PCDH15: variants seen among roughly 807,000 people sequenced by gnomAD.
PCDH15 encodes the protein protocadherin related 15.
In PCDH15, 129 loss-of-function variants were observed where a neutral mutation model predicts 178.5. That is an observed-to-expected ratio of 0.72 (90% CI 0.63 to 0.84). PCDH15 has a LOEUF of 0.84. Among genes scored for constraint, PCDH15 ranks in the 40% least tolerant of loss-of-function variants. The pLI is 0.00. For missense variants in PCDH15, 2,230 were observed against 2,099.9 expected (o/e 1.06, Z -1.21); for synonymous variants, 800 against 732.0 (o/e 1.09, Z -1.50).
intron 2 of PCDH15, among the ~76,000 whole-genome samples, chr10:54,902,728 C>T (rs1230103266): frequency 6.6e-6 from 1 of 152,272 alleles, no homozygotes; most frequent in East Asian, 1.9e-4. Flanking sequence ...TATATTTGCT[C>T]TCTCCCCCAA....
At chr10:54,746,938 C>T (rs1945543126) in intron 1 of PCDH15, among the ~76,000 whole-genome samples, 1 of 152,150 alleles carries the variant, frequency 6.6e-6, no homozygotes, top group African/African-American at 2.4e-5. Flanking sequence ...TTGGGTTTAT[C>T]AGAGTATTAT....
chr10:55,018,674 G>A (rs915325613), intron 2 of PCDH15, among the ~76,000 whole-genome samples: 1 of 152,018 alleles, frequency 6.6e-6, no homozygotes, highest in East Asian at 1.9e-4. Context: ...ACTTTTTAAA[G>A]AAATGAAACA....
intron 15 of PCDH15, among the ~76,000 whole-genome samples, chr10:54,117,921 C>G (rs2095144232): frequency 6.6e-6 from 1 of 152,174 alleles, no homozygotes; most frequent in Admixed American, 6.5e-5. Context: ...CATGGGCAGC[C>G]AGGGGCAGGC....
chr10:54,362,189 A>G (rs536490481), intron 5 of PCDH15, among the ~76,000 whole-genome samples: 1 of 152,162 alleles, frequency 6.6e-6, no homozygotes, highest in South Asian at 2.1e-4. Flanking sequence ...CCTTTATTTC[A>G]TTCAAAGTCA....
intron 3 of PCDH15, among the ~76,000 whole-genome samples, chr10:54,412,255 T>G (rs1354408072): frequency 6.7e-6 from 1 of 149,030 alleles, no homozygotes; most frequent in African/African-American, 2.4e-5. Flanking sequence ...TATATTTATA[T>G]TTTAATATAT....
chr10:55,282,653 T>G (rs1244588045), intron 1 of PCDH15, among the ~76,000 whole-genome samples: 1 of 152,154 alleles, frequency 6.6e-6, no homozygotes, highest in East Asian at 1.9e-4. Context: ...AAATATAATT[T>G]TTTGTTCTTA....
chr10:53,988,150 T>C (rs2091233451), intron 21 of PCDH15, among the ~76,000 whole-genome samples: 2 of 152,140 alleles, frequency 1.3e-5, no homozygotes, highest in Non-Finnish European at 2.9e-5. Context: ...GGCAACTCAA[T>C]ACCTATCATC....
At chr10:54,364,473 A>G (rs1946516486) in intron 5 of PCDH15, among the ~76,000 whole-genome samples, 1 of 152,128 alleles carries the variant, frequency 6.6e-6, no homozygotes, top group Admixed American at 6.6e-5. Context: ...ATCCGTGAAA[A>G]CCCAGCATTT....
intron 2 of PCDH15, among the ~76,000 whole-genome samples, chr10:54,560,731 A>T (rs1353551019): frequency 6.6e-6 from 1 of 152,076 alleles, no homozygotes; most frequent in East Asian, 1.9e-4. Flanking sequence ...ACTTGCTCTA[A>T]TTTATGGGTA....
At chr10:55,626,179 A>C (rs1309560351) in intron 2 of PCDH15, among the ~76,000 whole-genome samples, 4 of 135,176 alleles carry the variant, frequency 3.0e-5, no homozygotes, top group Non-Finnish European at 4.5e-5. Flanking sequence ...ATAAATAAAT[A>C]AATAAAATAA....
intron 13 of PCDH15, among the ~76,000 whole-genome samples, chr10:54,169,579 T>C (rs1034358516): frequency 4.0e-5 from 6 of 149,170 alleles, no homozygotes; most frequent in African/African-American, 1.5e-4. Context: ...CTATATCTCA[T>C]TGCCGCCCTT....
intron 2 of PCDH15, among the ~76,000 whole-genome samples, chr10:55,346,357 T>C (rs1844752689): frequency 6.6e-6 from 1 of 152,178 alleles, no homozygotes; most frequent in Admixed American, 6.6e-5. Context: ...CAATCAGAAA[T>C]TCTATGTGGT....
chr10:53,886,714 G>A (rs1053177556), intron 26 of PCDH15, among the ~76,000 whole-genome samples: 1 of 145,432 alleles, frequency 6.9e-6, no homozygotes. Context: ...AAAAGAGGTT[G>A]TTTCAGTATC....
chr10:55,075,624 A>G (rs1841869607), intron 2 of PCDH15, among the ~76,000 whole-genome samples: 1 of 151,966 alleles, frequency 6.6e-6, no homozygotes, highest in South Asian at 2.1e-4. Flanking sequence ...CAGGCTCCCA[A>G]AGTGCTGGGA....
chr10:54,474,274 G>GA (rs961543062), intron 3 of PCDH15, among the ~76,000 whole-genome samples: 75 of 149,428 alleles, frequency 5.0e-4, no homozygotes, highest in African/African-American at 1.5e-3. Flanking sequence ...TCAATACAAA[G>GA]AAAAAAAAAT....
chr10:54,544,556 A>G (rs1476283605), intron 2 of PCDH15, among the ~76,000 whole-genome samples: 1 of 152,128 alleles, frequency 6.6e-6, no homozygotes, highest in Non-Finnish European at 1.5e-5. Flanking sequence ...AGGCCTTCCC[A>G]AGGGTGGTAC....
chr10:54,075,717 G>T (rs1020791536), intron 17 of PCDH15, among the ~76,000 whole-genome samples: 3 of 152,182 alleles, frequency 2.0e-5, no homozygotes, highest in Non-Finnish European at 4.4e-5. Context: ...TCGTTTGCAT[G>T]TAGAATGATC....
In PCDH15 at chr10:55,021,068, GA is replaced by G. The variant is rs201830242; in HGVS notation, c.-79-123569del. ...TGGAGCTCTCAAAATCATCTTCAGAGAAAGGCATAGACTTGTCTCCCAGGTG... is the reference window on the plus strand; with the variant it reads ...TGGAGCTCTCAAAATCATCTTCAGAGAAGGCATAGACTTGTCTCCCAGGTG... On this transcript the variant is annotated intron_variant, in intron 2 of 5. Coordinates refer to the PCDH15 transcript ENST00000458638. 8.7e-3 allele frequency among the ~76,000 whole-genome samples: 1,322 copies of G among 152,300 alleles called. 15 individuals are homozygous for G. The highest frequency in any genetic ancestry group is 0.03 in the African/African-American group (1,266 of 41,570).
chr10:54,535,554 CA>C (rs2084399169), intron 2 of PCDH15, among the ~76,000 whole-genome samples: 1 of 151,292 alleles, frequency 6.6e-6, no homozygotes, highest in Admixed American at 6.6e-5. Context: ...ACTAAAAATA[CA>C]AAAAATTAGC....
Sources: allele counts gnomAD v4.1 joint callset (sites outside exome capture counted in the v4.1 genomes callset), GRCh38; gene constraint gnomAD v4.1.1; transcripts MANE v1.5; gene names NCBI Gene and HGNC (gene_info 2026-07-23, HGNC 2026-07-21).